The following JAK2 variants were observed in gnomAD, a reference collection of about 807,000 sequenced individuals.
The protein encoded by JAK2 is Janus kinase 2.
JAK2 carries 86 observed loss-of-function variants against 139.3 expected under a neutral mutation model. That is an observed-to-expected ratio of 0.62 (90% CI 0.52 to 0.74). JAK2 has a LOEUF of 0.74. Among genes scored for constraint, JAK2 ranks in the 30% least tolerant of loss-of-function variants. The pLI, the probability that JAK2 is intolerant of heterozygous loss-of-function variation, is 0.00. For synonymous variants in JAK2, 490 were observed against 437.7 expected, an observed-to-expected ratio of 1.12 and a Z score of -1.49; for missense variants, 1,421 against 1,360.3, an observed-to-expected ratio of 1.04 and a Z score of -0.70.
At chr9:5,076,842 T>C (rs187061040) in intron 14 of JAK2, among the ~76,000 whole-genome samples, 9 of 152,312 alleles carry the variant, frequency 5.9e-5, no homozygotes, top group African/African-American at 1.7e-4. Context: ...GAACCTGTTA[T>C]ATGGAGGTAT....
At chr9:5,002,457 T>C (rs1587810545) in intron 2 of JAK2, among the ~76,000 whole-genome samples, 1 of 152,154 alleles carries the variant, frequency 6.6e-6, no homozygotes, top group East Asian at 1.9e-4. Context: ...TTTTTTGATA[T>C]TTATTTCTAA....
At chr9:5,009,180 G>T (rs939485595) in intron 2 of JAK2, among the ~76,000 whole-genome samples, 17 of 152,198 alleles carry the variant, frequency 1.1e-4, no homozygotes, top group Non-Finnish European at 2.5e-4. Flanking sequence ...GAGCAAATTG[G>T]GTGGTCCGAG....
Position 5,050,671 on chromosome 9 carries a change from A to C in JAK2, c.469-15A>C. On this transcript the variant is annotated splice_polypyrimidine_tract_variant and intron_variant, in intron 5 of 24. Coordinates refer to ENST00000381652, the MANE Select transcript of JAK2 (RefSeq NM_004972.4). The stretch of plus-strand genomic sequence containing the variant: ...AACTTACGATGAGATATTTCCTTCA[A>C]ATTTTTGGTTTTAGTGGCGGCATGA... 3.1e-6 allele frequency: 5 copies of C among 1,606,872 alleles called. No individual in the cohort carries two copies. Among genetic ancestry groups the C allele is most frequent in the Middle Eastern group, 1.7e-4 (1 of 6,038 alleles).
intron 2 of JAK2, among the ~76,000 whole-genome samples, chr9:5,016,487 A>C (rs1822069010): frequency 6.6e-6 from 1 of 152,234 alleles, no homozygotes; most frequent in Non-Finnish European, 1.5e-5. Flanking sequence ...TGTAGTGCTA[A>C]GAAAAATAGT....
At chr9:5,061,000 C>T (rs1818131007) in intron 8 of JAK2, among the ~76,000 whole-genome samples, 1 of 152,188 alleles carries the variant, frequency 6.6e-6, no homozygotes, top group Non-Finnish European at 1.5e-5. Flanking sequence ...CTTGGGTGAC[C>T]AGGTGCGTTG....
intron 22 of JAK2, chr9:5,099,172 A>G (rs149777016): frequency 6.6e-6 from 1 of 152,356 alleles, no homozygotes; most frequent in African/African-American, 2.4e-5. Context: ...AACAGATGCA[A>G]TCCCCAGATG....
rs1051255373 is a variant in JAK2, at chr9:5,127,378, T to C, written c.*587T>C. The C allele has an allele frequency of 1.7e-5, 4 of 231,986 alleles. No individual in the cohort carries two copies. Among genetic ancestry groups the C allele is most frequent in the African/African-American group, 8.8e-5 (4 of 45,264 alleles). 14.4% of individuals were successfully genotyped at this position (231,986 alleles called of 1,614,324 possible). A position where few individuals can be genotyped will look rare whatever the true frequency, so the allele number is the denominator to read the frequency against. On this transcript the variant is annotated 3_prime_UTR_variant, in exon 25 of 25. Transcript: ENST00000381652. ...CTGGCCAGCATTATAAGCAGGTGTA[T>C]ACTTTTAGCTTGTAGTTCCATGTAC...
chr9:5,095,970 A>G (rs959151189), intron 22 of JAK2, among the ~76,000 whole-genome samples: 5 of 152,140 alleles, frequency 3.3e-5, no homozygotes, highest in African/African-American at 1.2e-4. Context: ...TAATTCTACT[A>G]TCCCTAGGAG....
chr9:5,022,365 G>A (rs1822486860), intron 3 of JAK2, 152 bp downstream of exon 3: 2 of 568,180 alleles, frequency 3.5e-6, no homozygotes, highest in Admixed American at 3.5e-5. Context: ...AAATGAAAGT[G>A]TTACTGGAGT....
chr9:5,021,908 C>T, intron 2 of JAK2, 55 bp from the exon 3 acceptor site: 2 of 1,023,442 alleles, frequency 2.0e-6, no homozygotes, highest in Non-Finnish European at 1.5e-6. Flanking sequence ...GCTAGGATTA[C>T]AGGTGTGAGA....
At chr9:5,118,869 C>A (rs916056613) in intron 22 of JAK2, among the ~76,000 whole-genome samples, 2 of 152,178 alleles carry the variant, frequency 1.3e-5, no homozygotes, top group African/African-American at 4.8e-5. Context: ...ATTAAAACCA[C>A]TTGACTTTCA....
intron 22 of JAK2, among the ~76,000 whole-genome samples, chr9:5,119,296 G>T (rs1823438356): frequency 1.3e-5 from 2 of 151,998 alleles, no homozygotes; most frequent in Non-Finnish European, 2.9e-5. Context: ...CAGAACAAAT[G>T]CATGGAGGTA....
At chr9:5,013,001 G>A (rs1427157537) in intron 2 of JAK2, among the ~76,000 whole-genome samples, 1 of 152,096 alleles carries the variant, frequency 6.6e-6, no homozygotes, top group African/African-American at 2.4e-5. Context: ...GCCAATGGAT[G>A]GATTTGAAAT....
chr9:5,058,208 T>C (rs1308849065), intron 8 of JAK2, among the ~76,000 whole-genome samples: 1 of 152,192 alleles, frequency 6.6e-6, no homozygotes, highest in African/African-American at 2.4e-5. Context: ...ATATACCTTC[T>C]ATTAGTCCGT....
At chr9:4,996,930 T>C (rs1820602913) in intron 2 of JAK2, among the ~76,000 whole-genome samples, 3 of 42,978 alleles carry the variant, frequency 7.0e-5, no homozygotes, top group Non-Finnish European at 1.2e-4. Context: ...AGTTTGTTCT[T>C]TTTTTTTTTT....
At chr9:5,043,058 C>T (rs1410408493) in intron 4 of JAK2, among the ~76,000 whole-genome samples, 1 of 152,204 alleles carries the variant, frequency 6.6e-6, no homozygotes, top group African/African-American at 2.4e-5. Flanking sequence ...GGGCTCGTGG[C>T]TTCCTGTCTC....
At chr9:5,112,769 G>C (rs1034173306) in intron 22 of JAK2, 2 of 601,278 alleles carry the variant, frequency 3.3e-6, no homozygotes, top group Non-Finnish European at 5.2e-6. Flanking sequence ...GGTGTCGCGC[G>C]TGTTCGGAGG....
chr9:5,124,917 C>T (rs1456703370), intron 23 of JAK2, among the ~76,000 whole-genome samples: 1 of 151,366 alleles, frequency 6.6e-6, no homozygotes, highest in East Asian at 1.9e-4. Context: ...TAATCCCAAA[C>T]CTATTCCTAA....
rs537630193 is a variant in JAK2, at chr9:5,077,611, A to G, written c.1992+31A>G. Reference sequence around the variant, plus strand: ...TAGTACAACCTTTTTATCAAAAGATACTATTTTATTTTATAAAACAATATA... The same window carrying G: ...TAGTACAACCTTTTTATCAAAAGATGCTATTTTATTTTATAAAACAATATA... On this transcript the variant is annotated intron_variant, in intron 15 of 24. Coordinates refer to ENST00000381652, the MANE Select transcript of JAK2 (RefSeq NM_004972.4). The G allele has an allele frequency of 6.5e-6, 9 of 1,378,756 alleles. No homozygotes were observed. The South Asian group carries it at 1.1e-4, about 17-fold the overall frequency. The allele number at this position is 1,378,756 out of a possible 1,614,324, so 85.4% of individuals were successfully genotyped here. A position where few individuals can be genotyped will look rare whatever the true frequency, so the allele number is the denominator to read the frequency against.
Sources: gnomAD v4.1 joint callset for allele counts (sites outside exome capture counted in the v4.1 genomes callset) on GRCh38, gnomAD v4.1.1 for gene constraint, MANE v1.5 for transcripts, NCBI Gene and HGNC (gene_info 2026-07-23, HGNC 2026-07-21) for gene names.